ECI1: variants seen among roughly 807,000 people sequenced by gnomAD.
ECI1 encodes the protein enoyl-CoA delta isomerase 1, mitochondrial.
In ECI1, 34 loss-of-function variants were observed where a neutral mutation model predicts 34.2. The ratio of observed to expected loss-of-function variants is 1.00; its 90% CI spans 0.76 to 1.33. ECI1 has a LOEUF of 1.33. Ranked by LOEUF, ECI1 falls within the 40% of genes most tolerant of loss-of-function variation. The probability of loss-of-function intolerance (pLI) is 0.00; values close to 1 mark genes in which losing one functional copy is unlikely to be tolerated. For synonymous variants in ECI1, 211 were observed against 193.0 expected, an observed-to-expected ratio of 1.09 and a Z score of -0.77; for missense variants, 456 against 422.2, an observed-to-expected ratio of 1.08 and a Z score of -0.70.
intron 2 of ECI1, among the ~76,000 whole-genome samples, chr16:2,249,863 C>A: frequency 1.0e-5 from 1 of 96,584 alleles, no homozygotes. Context: ...GGCGACAGAG[C>A]AAGACTCCGT....
At chr16:2,246,698 C>A (rs1181998260) in intron 3 of ECI1, among the ~76,000 whole-genome samples, 161 bp downstream of exon 3, 1 of 152,246 alleles carries the variant, frequency 6.6e-6, no homozygotes, top group Non-Finnish European at 1.5e-5. Context: ...TCCTGGAAGC[C>A]TCCCGTGAAG....
chr16:2,250,397 C>A (rs2093550605), intron 2 of ECI1, among the ~76,000 whole-genome samples: 1 of 152,162 alleles, frequency 6.6e-6, no homozygotes, highest in Non-Finnish European at 1.5e-5. Flanking sequence ...GCACCAGGAG[C>A]CTGGAGTCCT....
rs904419465 is a variant in ECI1 at position 2,251,517 on chromosome 16, G to T, written c.50C>A (p.Ala17Glu). ...VRVPARVLLR[A>E]GARLPGAALG... ...CCTGCCCACCCCGGGTTTCGCACCCGCGCGGAGCAGAACGCGCGCCGGGAC... is the reference window on the plus strand; with the variant it reads ...CCTGCCCACCCCGGGTTTCGCACCCTCGCGGAGCAGAACGCGCGCCGGGAC... The change falls in exon 1 of 7, where the codon GCG (alanine) becomes GAG (glutamate). Residue 17 changes from alanine (A) to glutamate (E), a missense_variant and splice_region_variant. Ala to Glu is a moderately radical substitution (Grantham distance 107, BLOSUM62 -1). Coordinates refer to ENST00000301729, the MANE Select transcript of ECI1 (RefSeq NM_001919.4). 3 of 1,559,892 alleles carry T rather than the reference G, an allele frequency of 1.9e-6. No individual in the cohort carries two copies. The highest frequency in any genetic ancestry group is 2.6e-6 in the Non-Finnish European group (3 of 1,153,820).
At chr16:2,250,901 A>G (rs1420789264) in intron 2 of ECI1, among the ~76,000 whole-genome samples, 2 of 150,414 alleles carry the variant, frequency 1.3e-5, no homozygotes, top group African/African-American at 4.8e-5. Flanking sequence ...GGCTCACTGC[A>G]GCCTCCACCT....
chr16:2,249,876 CAAAAAAAAAA>C (rs869259386), intron 2 of ECI1, among the ~76,000 whole-genome samples: 248 of 20,314 alleles, frequency 0.012, no homozygotes, highest in African/African-American at 0.059. Flanking sequence ...GACTCCGTCT[CAAAAAAAAAA>C]AAAAAAAAAA....
intron 3 of ECI1, among the ~76,000 whole-genome samples, chr16:2,245,348 C>A (rs1219628632): frequency 6.6e-6 from 1 of 152,222 alleles, no homozygotes; most frequent in Non-Finnish European, 1.5e-5. Context: ...TGGATGTTTA[C>A]CCCGCCCTGT....
intron 3 of ECI1, among the ~76,000 whole-genome samples, chr16:2,245,569 G>A (rs1024425500): frequency 3.9e-5 from 6 of 152,170 alleles, no homozygotes; most frequent in African/African-American, 9.7e-5. Context: ...TTCTACTTCC[G>A]TTACTCAAAA....
At chr16:2,242,729 G>GCCT (rs2093530541) in intron 6 of ECI1, 31 of 448,058 alleles carry the variant, frequency 6.9e-5, no homozygotes, top group South Asian at 6.7e-4. Context: ...AGATTAGAGC[G>GCCT]AGGCGCCCAC....
Position 2,251,544 on chromosome 16 carries a change from C to A in ECI1, c.23G>T (p.Arg8Leu), listed in dbSNP as rs1174577413. The A allele has an allele frequency of 4.5e-6, 7 of 1,560,476 alleles. No individual in the cohort carries two copies. The highest frequency in any genetic ancestry group is 5.2e-6 in the Non-Finnish European group (6 of 1,153,398). Residue 8 changes from arginine (R) to leucine (L), a missense_variant, in exon 1 of 7, where the codon CGA becomes CTA. Arg to Leu is a moderately radical substitution (Grantham distance 102, BLOSUM62 -2). Coordinates refer to ENST00000301729, the MANE Select transcript of ECI1 (RefSeq NM_001919.4). The stretch of plus-strand genomic sequence containing the variant: ...GCGGAGCAGAACGCGCGCCGGGACT[C>A]GCACAGAAGCCACCAGCGCCATCTT... Reference protein sequence around the residue: MALVASVRVPARVLLRAG... With the variant: MALVASVLVPARVLLRAG...
intron 2 of ECI1, among the ~76,000 whole-genome samples, 198 bp downstream of exon 2, chr16:2,251,118 C>T (rs866280544): frequency 8.5e-5 from 13 of 152,354 alleles, no homozygotes; most frequent in South Asian, 2.1e-4. Context: ...CCGCGCCCGG[C>T]CTCCGCCAAC....
chr16:2,243,315 T>C lies in ECI1; in HGVS notation c.563+3A>G. ...GGAGCGTGGCTGCAGCCCAGGGCCTTACCAGAAAGGGGCGATGATGCCCAG... is the reference window on the plus strand; with the variant it reads ...GGAGCGTGGCTGCAGCCCAGGGCCTCACCAGAAAGGGGCGATGATGCCCAG... On this transcript the variant is annotated splice_donor_region_variant and intron_variant, in intron 5 of 6. Coordinates refer to ENST00000301729, the MANE Select transcript of ECI1 (RefSeq NM_001919.4). 1 of 1,613,592 alleles carries C rather than the reference T, an allele frequency of 6.2e-7. No homozygotes were observed. Among genetic ancestry groups the C allele is most frequent in the Non-Finnish European group, 8.5e-7 (1 of 1,180,012 alleles).
Position 2,239,600 on chromosome 16 carries a change from C to T in ECI1, c.*379G>A, listed in dbSNP as rs2093522959. 1 of 348,978 alleles carries T rather than the reference C, an allele frequency of 2.9e-6. No individual in the cohort carries two copies. Among genetic ancestry groups the T allele is most frequent in the Non-Finnish European group, 5.6e-6 (1 of 178,998 alleles). 21.6% of individuals were successfully genotyped at this position (348,978 alleles called of 1,614,324 possible). A position where few individuals can be genotyped will look rare whatever the true frequency, so the allele number is the denominator to read the frequency against. Reference sequence around the variant, plus strand: ...GGAGTTCTGTGTGGGTCATGGGGGCCAAGACCACCTGGCCTTACACCTAAG... The same window carrying T: ...GGAGTTCTGTGTGGGTCATGGGGGCTAAGACCACCTGGCCTTACACCTAAG... On this transcript the variant is annotated 3_prime_UTR_variant, in exon 7 of 7. Coordinates refer to ENST00000301729, the MANE Select transcript of ECI1 (RefSeq NM_001919.4).
chr16:2,247,019 C>T, intron 2 of ECI1, 33 bp from the exon 3 acceptor site: 1 of 1,608,878 alleles, frequency 6.2e-7, no homozygotes, highest in South Asian at 1.1e-5. Flanking sequence ...AAAGCTCACA[C>T]CTGGCACTGG....
chr16:2,251,284 A>C, intron 2 of ECI1, 32 bp downstream of exon 2: 1 of 1,079,794 alleles, frequency 9.3e-7, no homozygotes, highest in Non-Finnish European at 1.2e-6. Flanking sequence ...TCCTGACCCC[A>C]CGCCCGCCCT....
chr16:2,245,289 T>A (rs151238904), intron 3 of ECI1, among the ~76,000 whole-genome samples: 9 of 152,322 alleles, frequency 5.9e-5, no homozygotes, highest in African/African-American at 2.2e-4. Context: ...GGTGAACTTG[T>A]TCCTGCAGCT....
chr16:2,251,470 T>TGGCCCCGGCCCCGGCCCGATCCC, intron 1 of ECI1, 41 bp from the exon 2 acceptor site: 1 of 1,538,800 alleles, frequency 6.5e-7, no homozygotes, highest in Non-Finnish European at 8.7e-7. Flanking sequence ...TTCCCGGTCC[T>TGGCCCCGGCCCCGGCCCGATCCC]GGCCCCGGCC....
At chr16:2,250,347 T>C (rs568844832) in intron 2 of ECI1, among the ~76,000 whole-genome samples, 3 of 149,018 alleles carry the variant, frequency 2.0e-5, no homozygotes, top group Non-Finnish European at 4.4e-5. Context: ...CCCAGGCAGC[T>C]CCCTCAGCCC....
chr16:2,246,482 G>A (rs958343315), intron 3 of ECI1, among the ~76,000 whole-genome samples: 1 of 152,178 alleles, frequency 6.6e-6, no homozygotes, highest in Non-Finnish European at 1.5e-5. Flanking sequence ...CTGGACGACG[G>A]CCCGGGCAGG....
In ECI1 at chr16:2,239,898, T is replaced by G; in HGVS notation, c.*81A>C. 1 of 1,466,214 alleles carries G rather than the reference T, an allele frequency of 6.8e-7. No homozygotes were observed. The highest frequency in any genetic ancestry group is 9.6e-7 in the Non-Finnish European group (1 of 1,047,092). 90.8% of individuals were successfully genotyped at this position (1,466,214 alleles called of 1,614,324 possible). On this transcript the variant is annotated 3_prime_UTR_variant, in exon 7 of 7. Coordinates refer to ENST00000301729, the MANE Select transcript of ECI1 (RefSeq NM_001919.4). ...CAAAATGAAACGCTGGCAGTACTTT[T>G]AAGTTGAAAAATACCTTGTTTAAGA... is the stretch of plus-strand genomic sequence containing the variant.
Sources: allele counts gnomAD v4.1 joint callset (sites outside exome capture counted in the v4.1 genomes callset), GRCh38; gene constraint gnomAD v4.1.1; transcripts MANE v1.5; gene names NCBI Gene and HGNC (gene_info 2026-07-23, HGNC 2026-07-21).